CCDC25: variants seen among roughly 807,000 people sequenced by gnomAD.
The protein encoded by CCDC25 is coiled-coil domain containing 25, also known as coiled-coil domain-containing protein 25.
CCDC25 carries 16 observed loss-of-function variants against 35.3 expected under a neutral mutation model. That is an observed-to-expected ratio of 0.45 (90% confidence interval 0.31 to 0.69). CCDC25 has a LOEUF of 0.69. Ranked by LOEUF, CCDC25 falls within the 30% of genes least tolerant of loss-of-function variation. The probability of loss-of-function intolerance (pLI) is 0.06; values close to 1 mark genes in which losing one functional copy is unlikely to be tolerated. For missense variants in CCDC25, 179 were observed against 250.7 expected (o/e 0.71, Z 1.93); for synonymous variants, 79 against 80.3 (o/e 0.98, Z 0.09).
At chr8:27,749,642 G>A (rs1030943257) in intron 5 of CCDC25, among the ~76,000 whole-genome samples, 52 of 151,924 alleles carry the variant, frequency 3.4e-4, no homozygotes, top group African/African-American at 1.2e-3. Context: ...TACAGCGCAA[G>A]TAAATACAGC....
At chr8:27,756,623 C>A (rs1804013741) in intron 4 of CCDC25, 96 bp downstream of exon 4, 1 of 854,142 alleles carries the variant, frequency 1.2e-6, no homozygotes, top group African/African-American at 1.7e-5. Flanking sequence ...TGCGTACCAA[C>A]TTATTACTGT....
chr8:27,741,332 T>C (rs974005499), intron 7 of CCDC25, among the ~76,000 whole-genome samples: 4 of 152,042 alleles, frequency 2.6e-5, no homozygotes, highest in African/African-American at 9.7e-5. Context: ...CCCACAGAAC[T>C]TACTGGGAGG....
intron 3 of CCDC25, among the ~76,000 whole-genome samples, chr8:27,758,261 T>C (rs901936793): frequency 2.0e-5 from 3 of 152,230 alleles, no homozygotes; most frequent in African/African-American, 7.2e-5. Context: ...ATAAATGTTT[T>C]AGAGGTGAAA....
At chr8:27,772,200 G>T (rs1487198340) in intron 1 of CCDC25, 1 of 510,742 alleles carries the variant, frequency 2.0e-6, no homozygotes, top group Non-Finnish European at 3.5e-6. Context: ...AAGGTGTGTG[G>T]AGGAGCCCAC....
intron 3 of CCDC25, among the ~76,000 whole-genome samples, chr8:27,761,469 CACTT>C (rs1239687091): frequency 1.1e-4 from 16 of 152,344 alleles, no homozygotes; most frequent in African/African-American, 3.1e-4. Context: ...TGGAGGTAAA[CACTT>C]AGTAGTATTT....
At chr8:27,756,469 A>C in intron 4 of CCDC25, 1 of 414,600 alleles carries the variant, frequency 2.4e-6, no homozygotes, top group Non-Finnish European at 4.4e-6. Flanking sequence ...GACAGACAGC[A>C]CACCGGAAGT....
intron 8 of CCDC25, among the ~76,000 whole-genome samples, chr8:27,738,316 G>C (rs1803316338): frequency 1.3e-5 from 2 of 152,076 alleles, no homozygotes; most frequent in South Asian, 4.1e-4. Flanking sequence ...ACAGAAGACG[G>C]TTACAAGGAG....
At chr8:27,741,076 A>C (rs1222495910) in intron 7 of CCDC25, among the ~76,000 whole-genome samples, 1 of 152,192 alleles carries the variant, frequency 6.6e-6, no homozygotes, top group Non-Finnish European at 1.5e-5. Context: ...TATCCAGCTA[A>C]CTCAGGTAGG....
In CCDC25 at chr8:27,756,454, G is replaced by A; in HGVS notation, c.168+265C>T. ...ACTGAATTGAAAGAAAAGGAAAGCA[G>A]AGATGACAGACAGCACACCGGAAGT... On this transcript the variant is annotated intron_variant, in intron 4 of 8. Coordinates refer to ENST00000356537, the MANE Select transcript of CCDC25 (RefSeq NM_018246.3). The A allele has an allele frequency of 8.1e-6, 3 of 368,826 alleles. No individual in the cohort carries two copies. The South Asian group carries it at 1.1e-4, about 14-fold the overall frequency. 22.8% of individuals were successfully genotyped at this position (368,826 alleles called of 1,614,324 possible). A position where few individuals can be genotyped will look rare whatever the true frequency, so the allele number is the denominator to read the frequency against.
At chr8:27,756,609 G>T in intron 4 of CCDC25, 110 bp downstream of exon 4, 1 of 726,680 alleles carries the variant, frequency 1.4e-6, no homozygotes, top group Non-Finnish European at 2.4e-6. Flanking sequence ...TTAACTTTTA[G>T]ATTTGCGTAC....
At chr8:27,766,600 A>G (rs1382069956) in intron 1 of CCDC25, among the ~76,000 whole-genome samples, 2 of 152,160 alleles carry the variant, frequency 1.3e-5, no homozygotes, top group Non-Finnish European at 2.9e-5. Context: ...AAAGGGTGGG[A>G]ATAAAACTAA....
At chr8:27,754,209 T>C (rs1021701952) in intron 4 of CCDC25, among the ~76,000 whole-genome samples, 1 of 152,190 alleles carries the variant, frequency 6.6e-6, no homozygotes, top group Non-Finnish European at 1.5e-5. Context: ...TTCATAATGC[T>C]GAAAAATTGG....
intron 5 of CCDC25, among the ~76,000 whole-genome samples, chr8:27,751,108 G>C (rs1444571040): frequency 1.3e-5 from 2 of 152,170 alleles, no homozygotes; most frequent in African/African-American, 4.8e-5. Context: ...GCTCCTCTTT[G>C]TTTTCTCTAG....
rs543777578 is a variant in CCDC25, at chr8:27,758,155, T to C, written c.117-1385A>G. On this transcript the variant is annotated intron_variant, in intron 3 of 8. Transcript: ENST00000356537. Reference sequence around the variant, plus strand: ...TAATACATTAGTCATACTGCTTCCTTGGTCCTTACCTTTCCAGACTGAAGA... The same window carrying C: ...TAATACATTAGTCATACTGCTTCCTCGGTCCTTACCTTTCCAGACTGAAGA... 2.2e-4 allele frequency among the ~76,000 whole-genome samples: 33 copies of C among 152,332 alleles called. No individual in the cohort carries two copies. In the South Asian group the frequency reaches 3.9e-3, roughly 18 times the overall value.
intron 1 of CCDC25, among the ~76,000 whole-genome samples, chr8:27,766,184 G>C (rs1804393977): frequency 6.6e-6 from 1 of 152,180 alleles, no homozygotes; most frequent in Non-Finnish European, 1.5e-5. Context: ...GCCTGTGATG[G>C]AGAAGTACTG....
chr8:27,741,795 G>A (rs1022646263), intron 7 of CCDC25, among the ~76,000 whole-genome samples: 5 of 152,164 alleles, frequency 3.3e-5, no homozygotes, highest in Non-Finnish European at 7.3e-5. Context: ...AAGACAAGAA[G>A]GTCCATTCAC....
At chr8:27,759,954 T>C (rs899630437) in intron 3 of CCDC25, among the ~76,000 whole-genome samples, 9 of 152,234 alleles carry the variant, frequency 5.9e-5, no homozygotes, top group Admixed American at 3.9e-4. Context: ...CACCCCACCC[T>C]GGAATGGTGA....
At chr8:27,770,044 T>A (rs111967372) in intron 1 of CCDC25, among the ~76,000 whole-genome samples, 16,813 of 152,100 alleles carry the variant, frequency 0.11, 1,136 homozygotes, top group East Asian at 0.33. Flanking sequence ...CTTGGGAGAC[T>A]GAGGCAGTAG....
At chr8:27,760,952 C>T (rs1016986359) in intron 3 of CCDC25, among the ~76,000 whole-genome samples, 1 of 152,034 alleles carries the variant, frequency 6.6e-6, no homozygotes, top group Non-Finnish European at 1.5e-5. Context: ...GTGGTGATAG[C>T]CCCAGTCTCT....
Sources: gnomAD v4.1 joint callset for allele counts (sites outside exome capture counted in the v4.1 genomes callset) on GRCh38, gnomAD v4.1.1 for gene constraint, MANE v1.5 for transcripts, NCBI Gene and HGNC (gene_info 2026-07-23, HGNC 2026-07-21) for gene names.